The following SETBP1 variants were observed in gnomAD, a reference collection of about 807,000 sequenced individuals.
SETBP1 encodes the protein SET binding protein 1.
Under a neutral mutation model 101.0 loss-of-function variants are expected in SETBP1, and 9 were observed. That is an observed-to-expected ratio of 0.09 (90% confidence interval 0.05 to 0.16). The LOEUF is 0.16. Ranked by LOEUF, SETBP1 falls within the 10% of genes least tolerant of loss-of-function variation. SETBP1 has a pLI of 1.00. For synonymous variants in SETBP1, 818 were observed against 788.5 expected (o/e 1.04, Z -0.63); for missense variants, 1,858 against 2,033.8 (o/e 0.91, Z 1.66).
chr18:44,878,106 C>T (rs556159195), intron 3 of SETBP1, among the ~76,000 whole-genome samples: 1 of 152,226 alleles, frequency 6.6e-6, no homozygotes, highest in South Asian at 2.1e-4. Flanking sequence ...TAAGTCATCC[C>T]TGCTAGTATA....
chr18:44,958,549 T>A (rs2071542435), intron 4 of SETBP1, among the ~76,000 whole-genome samples: 1 of 152,164 alleles, frequency 6.6e-6, no homozygotes, highest in South Asian at 2.1e-4. Flanking sequence ...ATTTTGCTGA[T>A]GAGCACACTG....
At chr18:44,780,315 T>A (rs1253473969) in intron 2 of SETBP1, among the ~76,000 whole-genome samples, 1 of 152,230 alleles carries the variant, frequency 6.6e-6, no homozygotes, top group Non-Finnish European at 1.5e-5. Context: ...CTCCTCTTCC[T>A]GATCCTGCCC....
intron 2 of SETBP1, among the ~76,000 whole-genome samples, chr18:44,787,425 C>G (rs1015286154): frequency 3.3e-5 from 5 of 152,056 alleles, no homozygotes; most frequent in African/African-American, 1.2e-4. Context: ...ACTGAATGAA[C>G]TATTGTGGTA....
chr18:44,779,980 G>A (rs2071091825), intron 2 of SETBP1, among the ~76,000 whole-genome samples: 1 of 151,768 alleles, frequency 6.6e-6, no homozygotes, highest in Non-Finnish European at 1.5e-5. Flanking sequence ...ACACGCATGT[G>A]CACACTCACA....
At chr18:44,760,284 G>A (rs1359743169) in intron 2 of SETBP1, among the ~76,000 whole-genome samples, 1 of 152,218 alleles carries the variant, frequency 6.6e-6, no homozygotes, top group Non-Finnish European at 1.5e-5. Flanking sequence ...TCTGGATGGG[G>A]AAGGGAGGAA....
rs530889334 is a variant in SETBP1 at position 44,995,406 on chromosome 18, G to T, written c.4000+42066G>T. 2.6e-5 allele frequency among the ~76,000 whole-genome samples: 4 copies of T among 152,126 alleles called. No individual in the cohort carries two copies. In the East Asian group the frequency reaches 7.7e-4, roughly 29 times the overall value. The stretch of plus-strand genomic sequence containing the variant: ...TCTGCCCACCTCGGCCTCCCTAAGT[G>T]CTGGGATTATAGGCGTGAGCCACTG... On this transcript the variant is annotated intron_variant, in intron 4 of 5. Coordinates refer to ENST00000649279, the MANE Select transcript of SETBP1 (RefSeq NM_015559.3).
chr18:44,707,161 A>G (rs984310987), intron 2 of SETBP1, among the ~76,000 whole-genome samples: 1 of 152,248 alleles, frequency 6.6e-6, no homozygotes, highest in Admixed American at 6.5e-5. Flanking sequence ...TTAGACTCCA[A>G]GCAAATGTGT....
chr18:44,781,791 C>G (rs1033768979), intron 2 of SETBP1, among the ~76,000 whole-genome samples: 14 of 152,118 alleles, frequency 9.2e-5, no homozygotes, highest in Non-Finnish European at 1.9e-4. Context: ...CCTTGAGAAG[C>G]TGAGCAAATG....
intron 3 of SETBP1, among the ~76,000 whole-genome samples, chr18:44,916,860 G>A (rs1465120820): frequency 6.6e-6 from 1 of 152,142 alleles, no homozygotes; most frequent in Non-Finnish European, 1.5e-5. Flanking sequence ...AGGGATGTTG[G>A]GTGGTATGAG....
chr18:45,062,937 C>A, intron 5 of SETBP1, 142 bp from the exon 6 acceptor site: 2 of 984,320 alleles, frequency 2.0e-6, no homozygotes, highest in South Asian at 1.5e-5. Context: ...AGGAATAATG[C>A]ATCTTGGGCA....
chr18:45,058,620 C>T (rs902897014), intron 5 of SETBP1, among the ~76,000 whole-genome samples: 1 of 152,224 alleles, frequency 6.6e-6, no homozygotes, highest in Admixed American at 6.5e-5. Context: ...ATCGTTTCTA[C>T]TGTACCATAC....
At chr18:44,850,260 A>G (rs1452309272) in intron 2 of SETBP1, among the ~76,000 whole-genome samples, 1 of 152,214 alleles carries the variant, frequency 6.6e-6, no homozygotes, top group African/African-American at 2.4e-5. Context: ...ATGTGGAGAG[A>G]TTAGACTTCC....
intron 2 of SETBP1, among the ~76,000 whole-genome samples, chr18:44,705,977 G>T (rs1568100142): frequency 6.6e-6 from 1 of 152,124 alleles, no homozygotes; most frequent in African/African-American, 2.4e-5. Context: ...ACTAGGATAG[G>T]AATTGAGATG....
At chr18:44,895,347 G>A (rs1399994589) in intron 3 of SETBP1, among the ~76,000 whole-genome samples, 1 of 150,596 alleles carries the variant, frequency 6.6e-6, no homozygotes, top group Non-Finnish European at 1.5e-5. Flanking sequence ...GGGTGGGTTT[G>A]AAAAACCATG....
intron 4 of SETBP1, among the ~76,000 whole-genome samples, chr18:45,012,712 A>C (rs965475615): frequency 1.3e-5 from 2 of 152,222 alleles, no homozygotes; most frequent in African/African-American, 4.8e-5. Context: ...CTTTTGCAGC[A>C]AAATGGATGG....
At chr18:44,958,336 T>C (rs1467780386) in intron 4 of SETBP1, among the ~76,000 whole-genome samples, 2 of 152,218 alleles carry the variant, frequency 1.3e-5, no homozygotes, top group Non-Finnish European at 2.9e-5. Flanking sequence ...TCCAGCCATT[T>C]CACTTAGCCA....
intron 2 of SETBP1, among the ~76,000 whole-genome samples, chr18:44,729,184 C>A (rs904604205): frequency 2.6e-5 from 4 of 152,104 alleles, no homozygotes; most frequent in Non-Finnish European, 4.4e-5. Context: ...CTTTGGACCC[C>A]GTGTCCTAGG....
chr18:44,772,004 G>A (rs1486015967), intron 2 of SETBP1, among the ~76,000 whole-genome samples: 1 of 152,210 alleles, frequency 6.6e-6, no homozygotes, highest in Non-Finnish European at 1.5e-5. Flanking sequence ...GCATTTATTT[G>A]TCTAGCAGTG....
chr18:44,798,385 C>A (rs1478534025), intron 2 of SETBP1, among the ~76,000 whole-genome samples: 1 of 152,046 alleles, frequency 6.6e-6, no homozygotes, highest in Non-Finnish European at 1.5e-5. Context: ...TAAGGCCACA[C>A]TGAGGTTAAT....
Sources: gnomAD v4.1 joint callset for allele counts (sites outside exome capture counted in the v4.1 genomes callset) on GRCh38, gnomAD v4.1.1 for gene constraint, MANE v1.5 for transcripts, NCBI Gene and HGNC (gene_info 2026-07-23, HGNC 2026-07-21) for gene names.